FRMD6: variants seen among roughly 807,000 people sequenced by gnomAD.
FRMD6 encodes FERM domain containing 6.
A neutral mutation model predicts 73.2 loss-of-function variants in FRMD6; 37 were observed. The observed-to-expected ratio is 0.51, with a 90% CI of 0.39 to 0.66. The LOEUF is 0.66. Ranked by LOEUF, FRMD6 falls within the 30% of genes least tolerant of loss-of-function variation. The pLI, the probability that FRMD6 is intolerant of heterozygous loss-of-function variation, is 0.00. For missense variants in FRMD6, 714 were observed against 780.5 expected (o/e 0.91, Z 1.02); for synonymous variants, 273 against 282.2 (o/e 0.97, Z 0.33).
the FRMD6 span, among the ~76,000 whole-genome samples, chr14:51,421,306 C>T: frequency 1.2e-4 from 19 of 152,222 alleles, no homozygotes; most frequent in African/African-American, 4.1e-4. Flanking sequence ...AAGCTGACTG[C>T]CACTGGATTG....
intron 7 of FRMD6, among the ~76,000 whole-genome samples, chr14:51,711,325 T>C (rs1222038738): frequency 6.6e-6 from 1 of 152,156 alleles, no homozygotes; most frequent in African/African-American, 2.4e-5. Context: ...AAGTAGAATA[T>C]ACCATTCTTG....
the FRMD6 span, among the ~76,000 whole-genome samples, chr14:51,419,944 G>T: frequency 6.6e-6 from 1 of 152,028 alleles, no homozygotes; most frequent in African/African-American, 2.4e-5. Flanking sequence ...CCCTCGTTAG[G>T]TGTGGTCATG....
chr14:51,580,489 A>G (rs1266053466), intron 2 of FRMD6, among the ~76,000 whole-genome samples: 1 of 152,202 alleles, frequency 6.6e-6, no homozygotes, highest in African/African-American at 2.4e-5. Flanking sequence ...AAGGAAAATG[A>G]GGCACAGAGA....
chr14:51,461,077 G>T, the FRMD6 span, among the ~76,000 whole-genome samples: 1 of 152,214 alleles, frequency 6.6e-6, no homozygotes, highest in South Asian at 2.1e-4. Flanking sequence ...GGGATTAGCA[G>T]ATTTTGACTA....
intron 2 of FRMD6, among the ~76,000 whole-genome samples, chr14:51,607,207 C>T (rs981875624): frequency 5.9e-5 from 9 of 152,130 alleles, no homozygotes; most frequent in African/African-American, 1.7e-4. Flanking sequence ...CTGGCCATCA[C>T]GCTGCTGTGG....
chr14:51,404,695 C>A, the FRMD6 span, among the ~76,000 whole-genome samples: 1 of 152,152 alleles, frequency 6.6e-6, no homozygotes, highest in Non-Finnish European at 1.5e-5. Flanking sequence ...CTGCCACAAG[C>A]CACATGTATG....
the FRMD6 span, among the ~76,000 whole-genome samples, chr14:51,399,152 T>C: frequency 6.6e-6 from 1 of 152,204 alleles, no homozygotes; most frequent in Non-Finnish European, 1.5e-5. Context: ...CTTGGAAACC[T>C]TACCCTTTCG....
At chr14:51,582,324 G>A (rs556576683) in intron 2 of FRMD6, among the ~76,000 whole-genome samples, 45 of 152,274 alleles carry the variant, frequency 3.0e-4, no homozygotes, top group African/African-American at 1.0e-3. Context: ...AGGATAGTCC[G>A]TCGTCCCACT....
intron 1 of FRMD6, among the ~76,000 whole-genome samples, chr14:51,506,730 A>G (rs1370978572): frequency 6.6e-6 from 1 of 152,238 alleles, no homozygotes; most frequent in Non-Finnish European, 1.5e-5. Context: ...TGATATTTAT[A>G]TAAAGATACC....
At chr14:51,405,425 C>T in the FRMD6 span, among the ~76,000 whole-genome samples, 2 of 152,090 alleles carry the variant, frequency 1.3e-5, no homozygotes, top group Admixed American at 6.6e-5. Flanking sequence ...TCTCCAGCAT[C>T]TGTTATTCTC....
chr14:51,678,330 GTGTT>G (rs1894537231), intron 1 of FRMD6, among the ~76,000 whole-genome samples: 2 of 152,132 alleles, frequency 1.3e-5, no homozygotes, highest in African/African-American at 4.8e-5. Flanking sequence ...GTCTCCTTAT[GTGTT>G]TGCTTTCACA....
the FRMD6 span, among the ~76,000 whole-genome samples, chr14:51,475,532 A>T: frequency 6.6e-6 from 1 of 152,186 alleles, no homozygotes; most frequent in Non-Finnish European, 1.5e-5. Context: ...TACATACAGC[A>T]TGAGCCATTG....
chr14:51,483,323 C>T, the FRMD6 span, among the ~76,000 whole-genome samples: 1 of 152,198 alleles, frequency 6.6e-6, no homozygotes, highest in African/African-American at 2.4e-5. Context: ...ACTGGGGAGA[C>T]CAGCAGTACA....
intron 1 of FRMD6, among the ~76,000 whole-genome samples, chr14:51,518,974 A>C (rs1250799551): frequency 6.6e-6 from 1 of 152,160 alleles, no homozygotes; most frequent in Non-Finnish European, 1.5e-5. Flanking sequence ...AACTAAATTT[A>C]ATACATAACG....
the FRMD6 span, among the ~76,000 whole-genome samples, chr14:51,411,257 G>A: frequency 6.6e-6 from 1 of 152,192 alleles, no homozygotes; most frequent in East Asian, 1.9e-4. Context: ...GCTTAAGAGG[G>A]AGTTGGCAGC....
the FRMD6 span, among the ~76,000 whole-genome samples, chr14:51,407,254 A>C: frequency 1.3e-5 from 2 of 152,038 alleles, no homozygotes; most frequent in Non-Finnish European, 2.9e-5. Flanking sequence ...ATCTGTGTTC[A>C]ACAGTAAGAT....
chr14:51,674,826 A>G (rs1256374803), intron 1 of FRMD6, among the ~76,000 whole-genome samples: 2 of 152,110 alleles, frequency 1.3e-5, no homozygotes, highest in African/African-American at 4.8e-5. Context: ...GAACAACCAG[A>G]TGATCCAGTA....
At chr14:51,566,770 G>T (rs1339800951) in intron 1 of FRMD6, among the ~76,000 whole-genome samples, 3 of 152,194 alleles carry the variant, frequency 2.0e-5, no homozygotes, top group African/African-American at 7.2e-5. Context: ...TAAACTATTT[G>T]TATGTGTTGT....
chr14:51,494,313 T>C lies in FRMD6; in HGVS notation c.-210+4893T>C, dbSNP rs767244663. The stretch of plus-strand genomic sequence containing the variant: ...TCTGAGGCAAATTGCTCTCTAGCTA[T>C]GAATCTATGAAACCAAACATGTTAT... On this transcript the variant is annotated intron_variant, in intron 1 of 14. Coordinates refer to the FRMD6 transcript ENST00000356218. Among the ~76,000 whole-genome samples the C allele has an allele frequency of 7.8e-4, 119 of 152,328 alleles. 2 individuals carry two copies. The highest frequency in any genetic ancestry group is 7.2e-4 in the Non-Finnish European group (49 of 68,028).
Sources: allele counts gnomAD v4.1 joint callset (sites outside exome capture counted in the v4.1 genomes callset), GRCh38; gene constraint gnomAD v4.1.1; transcripts MANE v1.5; gene names NCBI Gene and HGNC (gene_info 2026-07-23, HGNC 2026-07-21).